SYCP1: variants seen among roughly 807,000 people sequenced by gnomAD.
The protein encoded by SYCP1 is cancer/testis antigen 8.
A neutral mutation model predicts 153.1 loss-of-function variants in SYCP1; 64 were observed. The ratio of observed to expected loss-of-function variants is 0.42; its 90% CI spans 0.34 to 0.51. The LOEUF (loss-of-function observed/expected upper bound fraction) is 0.51, where lower values mean the gene tolerates loss of function less well. Ranked by LOEUF, SYCP1 falls within the 20% of genes least tolerant of loss-of-function variation. The pLI, the probability that SYCP1 is intolerant of heterozygous loss-of-function variation, is 0.06. For synonymous variants in SYCP1, 384 were observed against 341.8 expected, an observed-to-expected ratio of 1.12 and a Z score of -1.36; for missense variants, 997 against 1,049.0, an observed-to-expected ratio of 0.95 and a Z score of 0.68.
At position 114,858,723 on chromosome 1, in the gene SYCP1, T is replaced by C. The variant is rs1570643197; in HGVS notation, c.456+12T>C. The C allele has an allele frequency of 6.3e-7, 1 of 1,599,450 alleles. No individual in the cohort carries two copies. Among genetic ancestry groups the C allele is most frequent in the East Asian group, 2.2e-5 (1 of 44,684 alleles). ...TTCAGGAACTGCAAGTATGACACAA[T>C]TTTGCATTGTAAACATAGTATAGTA... On this transcript the variant is annotated intron_variant, in intron 6 of 31. Transcript: ENST00000369522.
chr1:114,897,440 C>T (rs1235650195), intron 16 of SYCP1, among the ~76,000 whole-genome samples: 2 of 152,138 alleles, frequency 1.3e-5, no homozygotes, highest in African/African-American at 4.8e-5. Flanking sequence ...TACCAGTTTG[C>T]ACAGGGAAGG....
At chr1:114,950,830 T>G (rs1194635175) in intron 27 of SYCP1, among the ~76,000 whole-genome samples, 3 of 119,956 alleles carry the variant, frequency 2.5e-5, no homozygotes, top group Non-Finnish European at 5.9e-5. Context: ...CTCTTTTTTT[T>G]TTTTTGAGAC....
intron 23 of SYCP1, among the ~76,000 whole-genome samples, chr1:114,935,345 T>C (rs1669925345): frequency 6.6e-6 from 1 of 152,150 alleles, no homozygotes; most frequent in Non-Finnish European, 1.5e-5. Flanking sequence ...ATAAATATGT[T>C]CTTTGAAACC....
At chr1:114,872,630 C>A (rs947962679) in intron 8 of SYCP1, among the ~76,000 whole-genome samples, 2 of 150,906 alleles carry the variant, frequency 1.3e-5, no homozygotes, top group Admixed American at 1.3e-4. Context: ...GTTCCTTTTT[C>A]TCTTTCTTCT....
chr1:114,903,986 T>C (rs1344591939), intron 16 of SYCP1, among the ~76,000 whole-genome samples: 1 of 152,242 alleles, frequency 6.6e-6, no homozygotes, highest in Non-Finnish European at 1.5e-5. Context: ...TCTTGATTAC[T>C]GTAGATTTAA....
intron 27 of SYCP1, among the ~76,000 whole-genome samples, chr1:114,954,438 G>T (rs360682): frequency 0.39 from 58,402 of 151,368 alleles, 12,481 homozygotes; most frequent in East Asian, 0.5. Flanking sequence ...GTGATTTTCT[G>T]TGCAGACATT....
At chr1:114,933,397 G>A (rs115976730) in intron 23 of SYCP1, among the ~76,000 whole-genome samples, 9,264 of 152,202 alleles carry the variant, frequency 0.061, 323 homozygotes, top group Middle Eastern at 0.14. Flanking sequence ...CTATCTGTAC[G>A]TCACCTTCCT....
At chr1:114,890,555 A>G (rs1482790775) in intron 15 of SYCP1, among the ~76,000 whole-genome samples, 1 of 152,238 alleles carries the variant, frequency 6.6e-6, no homozygotes, top group East Asian at 1.9e-4. Context: ...ATAGTTGGAA[A>G]AGGCTTTATG....
In SYCP1 at chr1:114,886,195, A is replaced by T. The variant is rs1324345563; in HGVS notation, c.1076A>T (p.Lys359Ile). ...TKTICQLTEE[K>I]ETQMEESNKA... The stretch of plus-strand genomic sequence containing the variant: ...ACAATTTGTCAGCTAACTGAAGAAA[A>T]AGAAACTCAAATGGAAGAATCTAAT... Residue 359 changes from lysine to isoleucine, a missense_variant, in exon 14 of 32, where the codon AAA becomes ATA. By Grantham distance (102) the Lys-to-Ile change is moderately radical. This residue lies in a region of SYCP1 where 712 missense variants were observed against 682.9 expected (regional missense o/e 1.04). Transcript: ENST00000369522. The T allele has an allele frequency of 1.2e-6, 2 of 1,612,026 alleles. No individual in the cohort carries two copies. Among genetic ancestry groups the T allele is most frequent in the Admixed American group, 3.4e-5 (2 of 59,684 alleles).
chr1:114,874,136 G>T (rs1000456331), intron 8 of SYCP1, among the ~76,000 whole-genome samples: 1 of 152,118 alleles, frequency 6.6e-6, no homozygotes, highest in African/African-American at 2.4e-5. Context: ...AGAGTTTTCT[G>T]CTTATGGGTT....
At chr1:114,898,103 T>G (rs1667181199) in intron 16 of SYCP1, among the ~76,000 whole-genome samples, 1 of 152,200 alleles carries the variant, frequency 6.6e-6, no homozygotes. Context: ...CCTTTTAACT[T>G]CCCTTATTGT....
rs1664786092 is a variant in SYCP1 at position 114,866,901 on chromosome 1, TC to T, written c.598+6093del. On this transcript the variant is annotated intron_variant, in intron 8 of 31. Transcript: ENST00000369522. ...AAGGGTGTAAGATCTGTGTCCAGATTCTTTTTTTTTTTTTGCATGCAGATGT... is the reference window on the plus strand; with the variant it reads ...AAGGGTGTAAGATCTGTGTCCAGATTTTTTTTTTTTTTTGCATGCAGATGT... 1.3e-5 allele frequency among the ~76,000 whole-genome samples: 2 copies of T among 148,910 alleles called. 1 individual carries two copies. The highest frequency in any genetic ancestry group is 1.4e-4 in the Admixed American group (2 of 14,740).
chr1:114,921,726 T>C (rs1047931488), intron 20 of SYCP1, among the ~76,000 whole-genome samples: 3 of 152,150 alleles, frequency 2.0e-5, no homozygotes, highest in African/African-American at 7.2e-5. Flanking sequence ...TATTTACTGT[T>C]ACCAGTGAGT....
At chr1:114,902,859 A>G (rs758470865) in intron 16 of SYCP1, among the ~76,000 whole-genome samples, 35 of 152,142 alleles carry the variant, frequency 2.3e-4, no homozygotes, top group Non-Finnish European at 3.5e-4. Context: ...AAATAAGACA[A>G]TTCACTTACT....
intron 15 of SYCP1, among the ~76,000 whole-genome samples, chr1:114,888,022 T>C (rs545094952): frequency 6.6e-6 from 1 of 152,204 alleles, no homozygotes; most frequent in Admixed American, 6.5e-5. Context: ...TCGTGAGAAA[T>C]GTCTGTTATT....
At chr1:114,953,181 A>T (rs1377769437) in intron 27 of SYCP1, among the ~76,000 whole-genome samples, 1 of 152,236 alleles carries the variant, frequency 6.6e-6, no homozygotes, top group Non-Finnish European at 1.5e-5. Flanking sequence ...AATGACAACC[A>T]AATTTCAACA....
chr1:114,952,147 C>A (rs535633367), intron 27 of SYCP1, among the ~76,000 whole-genome samples: 1 of 151,942 alleles, frequency 6.6e-6, no homozygotes, highest in Non-Finnish European at 1.5e-5. Context: ...TTGGTGTGAA[C>A]CTGTTTTCAT....
intron 23 of SYCP1, among the ~76,000 whole-genome samples, chr1:114,942,739 G>C (rs889534721): frequency 4.6e-5 from 7 of 151,578 alleles, no homozygotes; most frequent in Non-Finnish European, 1.0e-4. Flanking sequence ...AGAAGATGTG[G>C]GACAATATCT....
intron 15 of SYCP1, among the ~76,000 whole-genome samples, chr1:114,888,060 C>G (rs753651381): frequency 2.0e-5 from 3 of 151,970 alleles, no homozygotes; most frequent in African/African-American, 4.8e-5. Context: ...AATTTCATTG[C>G]TTTGTCATGT....
Sources: allele counts gnomAD v4.1 joint callset (sites outside exome capture counted in the v4.1 genomes callset), GRCh38; gene constraint gnomAD v4.1.1; regional missense constraint gnomAD v4.1.1; transcripts MANE v1.5; gene names NCBI Gene and HGNC (gene_info 2026-07-23, HGNC 2026-07-21).